The following SLC30A5 variants were observed in gnomAD, a reference collection of about 807,000 sequenced individuals.
SLC30A5 encodes the protein proton-coupled zinc antiporter SLC30A5.
In SLC30A5, 33 loss-of-function variants were observed where a neutral mutation model predicts 79.6. The ratio of observed to expected loss-of-function variants is 0.41; its 90% CI spans 0.31 to 0.55. The LOEUF (loss-of-function observed/expected upper bound fraction) is 0.55, where lower values mean the gene tolerates loss of function less well. Among genes scored for constraint, SLC30A5 ranks in the 20% least tolerant of loss-of-function variants. The pLI is 0.20. For synonymous variants in SLC30A5, 299 were observed against 319.7 expected (o/e 0.94, Z 0.69); for missense variants, 788 against 928.1 (o/e 0.85, Z 1.96).
chr5:69,129,187 G>C (rs1412331067), intron 15 of SLC30A5, among the ~76,000 whole-genome samples: 1 of 152,044 alleles, frequency 6.6e-6, no homozygotes. Flanking sequence ...TTCGATTTGC[G>C]ATTTTATTTT....
Position 69,116,436 on chromosome 5 carries a change from G to C in SLC30A5, c.1115G>C (p.Gly372Ala). ...TCTCCCTCTAAGAGAGGACAAAAAG[G>C]TACCCTTATTGGATATTCTCCTGAA... is the stretch of plus-strand genomic sequence containing the variant. Reference protein sequence around the residue: ...LSSPSKRGQKGTLIGYSPEGT... With the variant: ...LSSPSKRGQKATLIGYSPEGT... The change falls in exon 10 of 16, where the codon GGT becomes GCT. Residue 372 changes from glycine to alanine, a missense_variant. This residue lies in a region of SLC30A5 where 626 missense variants were observed against 755.5 expected (regional missense o/e 0.83). Transcript: ENST00000396591. The surrounding 1 kb of genome is among the most constrained non-coding windows in gnomAD (Gnocchi z 4.0). 1.2e-6 allele frequency: 2 copies of C among 1,609,832 alleles called. No homozygotes were observed. Among genetic ancestry groups the C allele is most frequent in the Non-Finnish European group, 1.7e-6 (2 of 1,178,746 alleles).
chr5:69,117,959 G>A (rs1406397901), intron 11 of SLC30A5, among the ~76,000 whole-genome samples: 1 of 150,216 alleles, frequency 6.7e-6, no homozygotes, highest in Non-Finnish European at 1.5e-5. Flanking sequence ...GCGGATCACA[G>A]GGTCAGGAGA....
At chr5:69,098,287 G>T (rs1745804729) in intron 1 of SLC30A5, among the ~76,000 whole-genome samples, 1 of 152,166 alleles carries the variant, frequency 6.6e-6, no homozygotes, top group Non-Finnish European at 1.5e-5. Flanking sequence ...TGTTTGGGAG[G>T]CCAAGGTGGG....
chr5:69,125,951 A>AAGC (rs1413655778), intron 14 of SLC30A5, among the ~76,000 whole-genome samples: 1 of 151,572 alleles, frequency 6.6e-6, no homozygotes, highest in African/African-American at 2.4e-5. Context: ...TGAGTGGCTG[A>AAGC]AGCATGAGAA....
chr5:69,118,530 A>G lies in SLC30A5; in HGVS notation c.1471A>G (p.Ile491Val), dbSNP rs760487759. 6.4e-5 allele frequency: 103 copies of G among 1,602,850 alleles called. No individual in the cohort carries two copies. The highest frequency in any genetic ancestry group is 2.6e-4 in the Admixed American group (15 of 58,080). The change falls in exon 12 of 16, where the codon ATT (isoleucine) becomes GTT (valine). Residue 491 changes from isoleucine to valine, a missense_variant. Physicochemically the swap from Ile to Val is conservative, Grantham distance 29. Around this residue, in one of 3 missense-constraint regions of SLC30A5, gnomAD observed 626 missense variants for 755.5 expected, o/e 0.83. Transcript: ENST00000396591. ...CCGAATAGAAATTCTGTCTGGATTT[A>G]TTAATGGACTTTTTCTAATAGTAAT... is the stretch of plus-strand genomic sequence containing the variant. ...YGRIEILSGF[I>V]NGLFLIVIAF...
In SLC30A5 at chr5:69,116,133, A is replaced by T; in HGVS notation, c.991A>T (p.Met331Leu). The T allele has an allele frequency of 6.2e-7, 1 of 1,614,206 alleles. No homozygotes were observed. Among genetic ancestry groups the T allele is most frequent in the Non-Finnish European group, 8.5e-7 (1 of 1,180,040 alleles). ...TCCAATAACAGACCAGCTTCGGGCTATGAACAAAGCAGCACACCAGGAGAG... is the reference window on the plus strand; with the variant it reads ...TCCAATAACAGACCAGCTTCGGGCTTTGAACAAAGCAGCACACCAGGAGAG... ...THPITDQLRA[M>L]NKAAHQESTE... Residue 331 changes from methionine (M) to leucine (L), a missense_variant, in exon 9 of 16, where the codon ATG becomes TTG. By Grantham distance (15) the Met-to-Leu change is conservative. Around this residue, in one of 3 missense-constraint regions of SLC30A5, gnomAD observed 626 missense variants for 755.5 expected, o/e 0.83. Coordinates refer to ENST00000396591, the MANE Select transcript of SLC30A5 (RefSeq NM_022902.5). This position sits in a 1 kb window ranked among gnomAD's most constrained non-coding sequence, Gnocchi z 4.0.
chr5:69,098,670 C>T (rs1745816327), intron 1 of SLC30A5, among the ~76,000 whole-genome samples: 1 of 152,194 alleles, frequency 6.6e-6, no homozygotes, highest in Admixed American at 6.5e-5. Context: ...TTAAACAACT[C>T]GGACTACCAG....
rs546678550 is a variant in SLC30A5 at position 69,130,484 on chromosome 5, C to A, written c.*867C>A. 6.6e-6 allele frequency: 1 copy of A among 152,084 alleles called. No homozygotes were observed. Among genetic ancestry groups the A allele is most frequent in the African/African-American group, 2.4e-5 (1 of 41,426 alleles). The allele number at this position is 152,084 out of a possible 1,614,324, so 9.4% of individuals were successfully genotyped here. Reference sequence around the variant, plus strand: ...TTGTGAAACAGCCAGTTAAGAGAATCGTAAATAATTGTCAACTCACAGTTG... The same window carrying A: ...TTGTGAAACAGCCAGTTAAGAGAATAGTAAATAATTGTCAACTCACAGTTG... On this transcript the variant is annotated 3_prime_UTR_variant, in exon 16 of 16. Coordinates refer to ENST00000396591, the MANE Select transcript of SLC30A5 (RefSeq NM_022902.5).
rs1255278632 is a variant in SLC30A5, at chr5:69,130,042, T to C, written c.*425T>C. The C allele has an allele frequency of 6.6e-6, 1 of 152,382 alleles. No individual in the cohort carries two copies. The highest frequency in any genetic ancestry group is 2.4e-5 in the African/African-American group (1 of 41,468). 9.4% of individuals were successfully genotyped at this position (152,382 alleles called of 1,614,324 possible). On this transcript the variant is annotated 3_prime_UTR_variant, in exon 16 of 16. Transcript: ENST00000396591. ...AAAGATAAAATAGGAATAAAAGTTC[T>C]ATATTTATGGATTTTCTGTATATAA...
chr5:69,129,296 C>T, intron 15 of SLC30A5, 151 bp from the exon 16 acceptor site: 1 of 521,464 alleles, frequency 1.9e-6, no homozygotes, highest in Non-Finnish European at 3.2e-6. Flanking sequence ...ACCATCTTGG[C>T]ACTCAAAAAG....
At position 69,100,879 on chromosome 5, in the gene SLC30A5, T is replaced by C; in HGVS notation, c.156T>C (p.Asp52=). 6.4e-7 allele frequency: 1 copy of C among 1,574,082 alleles called. No homozygotes were observed. Among genetic ancestry groups the C allele is most frequent in the Non-Finnish European group, 8.7e-7 (1 of 1,154,322 alleles). The change falls in exon 2 of 16, where the codon GAT becomes GAC. Residue 52 remains aspartate, a synonymous_variant. Coordinates refer to ENST00000396591, the MANE Select transcript of SLC30A5 (RefSeq NM_022902.5). ...LKAVGLFESY[D]LLKAVHIVQF... Reference sequence around the variant, plus strand: ...CTGTGGGACTTTTCGAATCATATGATCTCCTAAAAGCTGTTCACATTGTTC... The same window carrying C: ...CTGTGGGACTTTTCGAATCATATGACCTCCTAAAAGCTGTTCACATTGTTC...
intron 5 of SLC30A5, among the ~76,000 whole-genome samples, chr5:69,111,144 C>A (rs1159799758): frequency 6.6e-6 from 1 of 151,740 alleles, no homozygotes; most frequent in Non-Finnish European, 1.5e-5. Flanking sequence ...CAGGCACATG[C>A]CACTACACTT....
Position 69,094,307 on chromosome 5 carries a change from G to GGCC in SLC30A5, c.53_55dup (p.Gly18_Leu19insArg). The stretch of plus-strand genomic sequence containing the variant: ...GCTGGCCGGCCCCGGCGGCGGCGGC[G>GGCC]GCCTTGGGCCGGTGGACGTACCCAG... On this transcript the variant is annotated inframe_insertion, in exon 1 of 16. Coordinates refer to ENST00000396591, the MANE Select transcript of SLC30A5 (RefSeq NM_022902.5). 1 of 1,255,602 alleles carries GGCC rather than the reference G, an allele frequency of 8.0e-7. No homozygotes were observed. The highest frequency in any genetic ancestry group is 1.5e-5 in the African/African-American group (1 of 64,618). The allele number at this position is 1,255,602 out of a possible 1,614,324, so 77.8% of individuals were successfully genotyped here. A position where few individuals can be genotyped will look rare whatever the true frequency, so the allele number is the denominator to read the frequency against.
At chr5:69,117,114 G>A in intron 10 of SLC30A5, 125 bp from the exon 11 acceptor site, 1 of 676,150 alleles carries the variant, frequency 1.5e-6, no homozygotes, top group Non-Finnish European at 2.5e-6. Flanking sequence ...TAATGTAAGT[G>A]GCAGTTAAAT....
intron 4 of SLC30A5, among the ~76,000 whole-genome samples, chr5:69,108,102 A>C (rs1580172503): frequency 6.6e-6 from 1 of 152,344 alleles, no homozygotes; most frequent in East Asian, 1.9e-4. Context: ...TACCTGATAC[A>C]TACCTATACA....
intron 7 of SLC30A5, 50 bp downstream of exon 7, chr5:69,114,546 G>A (rs769181655): frequency 8.8e-7 from 1 of 1,130,234 alleles, no homozygotes; most frequent in East Asian, 2.3e-5. Flanking sequence ...AAAAGTTGTA[G>A]CAACTATAAC....
chr5:69,122,880 A>T (rs929368595), intron 13 of SLC30A5, among the ~76,000 whole-genome samples: 2 of 152,118 alleles, frequency 1.3e-5, no homozygotes, highest in Non-Finnish European at 2.9e-5. Context: ...ATTTTGCTGA[A>T]TTGTTTATTC....
chr5:69,122,652 CA>C (rs1283493018), intron 13 of SLC30A5, among the ~76,000 whole-genome samples: 2 of 151,808 alleles, frequency 1.3e-5, no homozygotes, highest in Non-Finnish European at 2.9e-5. Context: ...AGACTCTATC[CA>C]AAACAAAAAG....
intron 1 of SLC30A5, among the ~76,000 whole-genome samples, chr5:69,097,114 T>TC (rs1745762578): frequency 1.1e-5 from 1 of 90,006 alleles, no homozygotes; most frequent in Non-Finnish European, 2.7e-5. Flanking sequence ...TTTTTCTTTT[T>TC]TTTTTTTTTT....
Sources: allele counts gnomAD v4.1 joint callset (sites outside exome capture counted in the v4.1 genomes callset), GRCh38; gene constraint gnomAD v4.1.1; regional missense constraint gnomAD v4.1.1; non-coding constraint Gnocchi (gnomAD v3.1); transcripts MANE v1.5; gene names NCBI Gene and HGNC (gene_info 2026-07-23, HGNC 2026-07-21).